The following NEURL4 variants were observed in gnomAD, a reference collection of about 807,000 sequenced individuals.
NEURL4 encodes neuralized E3 ubiquitin protein ligase 4, also known as neuralized-like protein 4.
Under a neutral mutation model 148.0 loss-of-function variants are expected in NEURL4, and 45 were observed. The ratio of observed to expected loss-of-function variants is 0.30; its 90% CI spans 0.24 to 0.39. The LOEUF (loss-of-function observed/expected upper bound fraction) is 0.39. NEURL4 is among the 10% of genes least tolerant of loss of function. The pLI is 1.00. For synonymous variants in NEURL4, 854 were observed against 869.0 expected, an observed-to-expected ratio of 0.98 and a Z score of 0.30; for missense variants, 1,776 against 2,144.0, an observed-to-expected ratio of 0.83 and a Z score of 3.39.
intron 21 of NEURL4, among the ~76,000 whole-genome samples, chr17:7,319,685 A>C (rs2073002316): frequency 6.9e-6 from 1 of 145,680 alleles, no homozygotes; most frequent in Admixed American, 7.0e-5. Context: ...GGGCGACAAG[A>C]GCTAAACTCC....
chr17:7,329,326 G>T lies in NEURL4; in HGVS notation c.-14C>A. 1.5e-6 allele frequency: 2 copies of T among 1,329,352 alleles called. No individual in the cohort carries two copies. The highest frequency in any genetic ancestry group is 3.4e-5 in the South Asian group (2 of 58,922). 82.3% of individuals were successfully genotyped at this position (1,329,352 alleles called of 1,614,324 possible). A position where few individuals can be genotyped will look rare whatever the true frequency, so the allele number is the denominator to read the frequency against. On this transcript the variant is annotated 5_prime_UTR_variant, in exon 1 of 29. Coordinates refer to ENST00000399464, the MANE Select transcript of NEURL4 (RefSeq NM_032442.3). ...CCCTGCCGCCATCTCCGCTGACACC[G>T]GGGCAGCGCGACAGCCGCGCTTGGC... is the stretch of plus-strand genomic sequence containing the variant.
intron 14 of NEURL4, 67 bp from the exon 15 acceptor site, chr17:7,323,190 C>A (rs1314494276): frequency 1.3e-6 from 2 of 1,524,192 alleles, no homozygotes; most frequent in Non-Finnish European, 1.8e-6. Flanking sequence ...CCTGCCCACT[C>A]CCTGTCTGTC....
rs2073100385 is a variant in NEURL4 at position 7,326,087 on chromosome 17, G to A, written c.1293+168C>T. Among the ~76,000 whole-genome samples, 1 of 152,214 alleles carries A rather than the reference G, an allele frequency of 6.6e-6. No homozygotes were observed. The highest frequency in any genetic ancestry group is 2.4e-5 in the African/African-American group (1 of 41,454). Reference sequence around the variant, plus strand: ...ATTCAACCATCTGACTCCAAAATCTGAGTGCTGAACTCTTGGGCAACTCAG... The same window carrying A: ...ATTCAACCATCTGACTCCAAAATCTAAGTGCTGAACTCTTGGGCAACTCAG... On this transcript the variant is annotated intron_variant, in intron 6 of 28. Transcript: ENST00000399464. The surrounding 1 kb of genome is among the most constrained non-coding windows in gnomAD (Gnocchi z 6.0).
chr17:7,319,260 CT>C (rs1241934957), intron 21 of NEURL4, 52 bp from the exon 22 acceptor site: 8 of 1,514,046 alleles, frequency 5.3e-6, no homozygotes, highest in Non-Finnish European at 6.3e-6. Context: ...AAGAACCAGG[CT>C]CCGCACCCCA....
chr17:7,325,771 C>G (rs2073096743), intron 6 of NEURL4, 58 bp from the exon 7 acceptor site: 1 of 1,371,708 alleles, frequency 7.3e-7, no homozygotes, highest in African/African-American at 1.4e-5. Flanking sequence ...GCACCCCACT[C>G]CACACAGGAA....
Position 7,322,013 on chromosome 17 carries a change from G to A in NEURL4, c.2726-3C>T. The stretch of plus-strand genomic sequence containing the variant: ...GAATCGGTGAGCCACGCCAGCCACT[G>A]TGAAGAGATGGCACCAGTAGAAGGG... On this transcript the variant is annotated splice_region_variant and splice_polypyrimidine_tract_variant and intron_variant, in intron 16 of 28. Transcript: ENST00000399464. The surrounding 1 kb of genome is among the most constrained non-coding windows in gnomAD (Gnocchi z 5.5). 6.2e-7 allele frequency: 1 copy of A among 1,602,326 alleles called. No homozygotes were observed. The highest frequency in any genetic ancestry group is 8.5e-7 in the Non-Finnish European group (1 of 1,175,158).
Position 7,317,906 on chromosome 17 carries a change from G to A in NEURL4, c.4087C>T (p.Arg1363Ter). Residue 1363 changes from arginine to a stop codon, truncating the protein, a stop_gained, in exon 26 of 29, where the codon CGA (arginine) becomes TGA (stop). Coordinates refer to ENST00000399464, the MANE Select transcript of NEURL4 (RefSeq NM_032442.3). LOFTEE classifies it high-confidence loss of function. Reference protein sequence around the residue: ...PEDYFMPPPKRSLCYCESCRK... With the variant: ...PEDYFMPPPK ...CAAGACTCACAGTAGCACAGGCTTC[G>A]CTTTGGCGGAGGCATGAAATAATCT... The A allele has an allele frequency of 6.2e-7, 1 of 1,614,204 alleles. No individual in the cohort carries two copies. The highest frequency in any genetic ancestry group is 8.5e-7 in the Non-Finnish European group (1 of 1,180,052).
At chr17:7,323,614 C>T (rs374837629) in intron 13 of NEURL4, 33 bp downstream of exon 13, 3 of 1,613,658 alleles carry the variant, frequency 1.9e-6, no homozygotes, top group Non-Finnish European at 2.5e-6. Context: ...CACAGACATC[C>T]AACAGCCCCC....
chr17:7,323,336 G>A lies in NEURL4; in HGVS notation c.2417+149C>T. On this transcript the variant is annotated intron_variant, in intron 14 of 28. Transcript: ENST00000399464. ...GGAGGACTGAGCCCCTGTGGGCCTG[G>A]GCAGGACTTCCCAGAATTCAAGGGG... 6 of 971,172 alleles carry A rather than the reference G, an allele frequency of 6.2e-6. No individual in the cohort carries two copies. In the South Asian group the frequency reaches 7.7e-5, roughly 12 times the overall value. 60.2% of individuals were successfully genotyped at this position (971,172 alleles called of 1,614,324 possible). A position where few individuals can be genotyped will look rare whatever the true frequency, so the allele number is the denominator to read the frequency against.
Position 7,319,038 on chromosome 17 carries a change from G to C in NEURL4, c.3684+12C>G. ...GGCCTGGTCCTGTTCCTTCTCTCTG[G>C]CTCCTACTCACCTTGAGACCGTTGT... On this transcript the variant is annotated intron_variant, in intron 22 of 28. Transcript: ENST00000399464. The C allele has an allele frequency of 6.2e-7, 1 of 1,601,132 alleles. No individual in the cohort carries two copies. Among genetic ancestry groups the C allele is most frequent in the South Asian group, 1.1e-5 (1 of 89,962 alleles).
At position 7,321,173 on chromosome 17, in the gene NEURL4, G is replaced by A; in HGVS notation, c.3299C>T (p.Pro1100Leu). ...EESEGTQPPS[P>L]SSDTGSEGEE... ...GCCCTCACTGCCGGTGTCTGAACTG[G>A]GGGAAGGAGGCTGGGTGCCTTCTGA... The change falls in exon 20 of 29, where the codon CCC becomes CTC. Residue 1100 changes from proline to leucine, a missense_variant. Coordinates refer to ENST00000399464, the MANE Select transcript of NEURL4 (RefSeq NM_032442.3). The surrounding 1 kb of genome is among the most constrained non-coding windows in gnomAD (Gnocchi z 6.3). The A allele has an allele frequency of 1.2e-6, 2 of 1,614,008 alleles. No homozygotes were observed. The highest frequency in any genetic ancestry group is 1.7e-6 in the Non-Finnish European group (2 of 1,180,030).
rs1360973950 is a variant in NEURL4 at position 7,326,922 on chromosome 17, G to A, written c.881C>T (p.Ser294Phe). The A allele has an allele frequency of 4.3e-6, 7 of 1,613,958 alleles. No homozygotes were observed. The highest frequency in any genetic ancestry group is 1.1e-5 in the South Asian group (1 of 91,072). Residue 294 changes from serine to phenylalanine, a missense_variant, in exon 4 of 29, where the codon TCC (serine) becomes TTC (phenylalanine). Physicochemically the swap from Ser to Phe is radical, Grantham distance 155 (BLOSUM62 -2). Coordinates refer to ENST00000399464, the MANE Select transcript of NEURL4 (RefSeq NM_032442.3). This position sits in a 1 kb window ranked among gnomAD's most constrained non-coding sequence, Gnocchi z 6.0. ...NGGLLNVNLSSPPAGEGLGSS... is the reference protein window; with the variant it reads ...NGGLLNVNLSFPPAGEGLGSS... ...TCCCAGGCCTTCCCCTGCCGGTGGG[G>A]AGCTCAGGTTCACATTCAGGAGCCC...
In NEURL4 at chr17:7,322,942, A is replaced by G; in HGVS notation, c.2593+6T>C. On this transcript the variant is annotated splice_donor_region_variant and intron_variant, in intron 15 of 28. Transcript: ENST00000399464. The surrounding 1 kb of genome is among the most constrained non-coding windows in gnomAD (Gnocchi z 5.5). ...GAGGGTGGCAGGCTGAAAGCCACAT[A>G]GTCACCTTTACCCGGAGGCAGGCCC... 1.2e-6 allele frequency: 2 copies of G among 1,612,464 alleles called. No homozygotes were observed. The highest frequency in any genetic ancestry group is 1.7e-6 in the Non-Finnish European group (2 of 1,179,012).
In NEURL4 at chr17:7,316,300, C is replaced by T. The variant is rs767691634; in HGVS notation, c.4512G>A (p.Thr1504=). 3.7e-6 allele frequency: 6 copies of T among 1,612,794 alleles called. No individual in the cohort carries two copies. Among genetic ancestry groups the T allele is most frequent in the South Asian group, 3.3e-5 (3 of 91,012 alleles). Reference sequence around the variant, plus strand: ...CCTGGAACGCCACCTGAGCCTGGTGCGTCCGCTGGGATTTGGGGTCCCGGA... The same window carrying T: ...CCTGGAACGCCACCTGAGCCTGGTGTGTCCGCTGGGATTTGGGGTCCCGGA... ...VQFRDPKSQR[T]HQAQVAFQVC... The change falls in exon 29 of 29, where the codon ACG becomes ACA. Residue 1504 remains threonine, a synonymous_variant. Coordinates refer to ENST00000399464, the MANE Select transcript of NEURL4 (RefSeq NM_032442.3).
At chr17:7,328,896 C>G (rs376824802) in intron 1 of NEURL4, 135 bp downstream of exon 1, 1 of 771,966 alleles carries the variant, frequency 1.3e-6, no homozygotes. Context: ...TCCTGACCGC[C>G]CCCTGGTGCT....
Position 7,318,111 on chromosome 17 carries a change from C to G in NEURL4, c.4014G>C (p.Glu1338Asp). The G allele has an allele frequency of 6.2e-7, 1 of 1,614,186 alleles. No individual in the cohort carries two copies. The highest frequency in any genetic ancestry group is 8.5e-7 in the Non-Finnish European group (1 of 1,180,028). ...GGAAGCGAGAGCAAAGGGCATGGTA[C>G]TCGCAGCTCTTTAGAGGACTAGCGG... Reference protein sequence around the residue: ...PPAASPLKSCEYHALCSRFQE... With the variant: ...PPAASPLKSCDYHALCSRFQE... Residue 1338 changes from glutamate to aspartate, a missense_variant, in exon 25 of 29, where the codon GAG becomes GAC. Glu to Asp is a conservative substitution (Grantham distance 45, BLOSUM62 2). Coordinates refer to ENST00000399464, the MANE Select transcript of NEURL4 (RefSeq NM_032442.3). This position sits in a 1 kb window ranked among gnomAD's most constrained non-coding sequence, Gnocchi z 4.3.
Position 7,318,563 on chromosome 17 carries a change from C to G in NEURL4, c.3796G>C (p.Gly1266Arg). ...LHLHVNGVDQ[G>R]VAVPDVPQPC... ...TGGGGCACATCTGGCACAGCTACCC[C>G]CTGGTCCACCCCATTAACATGAAGA... The change falls in exon 23 of 29, where the codon GGG becomes CGG. Residue 1266 changes from glycine to arginine, a missense_variant. Gly to Arg is a moderately radical substitution (Grantham distance 125). Transcript: ENST00000399464. The surrounding 1 kb of genome is among the most constrained non-coding windows in gnomAD (Gnocchi z 4.3). 6.2e-7 allele frequency: 1 copy of G among 1,613,770 alleles called. No individual in the cohort carries two copies. The highest frequency in any genetic ancestry group is 8.5e-7 in the Non-Finnish European group (1 of 1,179,894).
At position 7,316,317 on chromosome 17, in the gene NEURL4, G is replaced by T. The variant is rs1597628216; in HGVS notation, c.4495C>A (p.Pro1499Thr). The change falls in exon 29 of 29, where the codon CCC (proline) becomes ACC (threonine). Residue 1499 changes from proline to threonine, a missense_variant. Coordinates refer to ENST00000399464, the MANE Select transcript of NEURL4 (RefSeq NM_032442.3). ...GCCTGGTGCGTCCGCTGGGATTTGG[G>T]GTCCCGGAATCTGTCAGACAAGAAA... ...TLASKVQFRDPKSQRTHQAQV... is the reference protein window; with the variant it reads ...TLASKVQFRDTKSQRTHQAQV... 1 of 1,612,094 alleles carries T rather than the reference G, an allele frequency of 6.2e-7. No individual in the cohort carries two copies. Among genetic ancestry groups the T allele is most frequent in the East Asian group, 2.2e-5 (1 of 44,880 alleles).
Position 7,317,592 on chromosome 17 carries a change from G to A in NEURL4, c.4206-19C>T, listed in dbSNP as rs745747408. The A allele has an allele frequency of 2.3e-5, 37 of 1,611,214 alleles. No individual in the cohort carries two copies. The highest frequency in any genetic ancestry group is 3.3e-4 in the Middle Eastern group (2 of 6,076). On this transcript the variant is annotated intron_variant, in intron 26 of 28. Transcript: ENST00000399464. Reference sequence around the variant, plus strand: ...ATTCACTCTAGGAGGTGGACAAGCGGGGCAGATACAACGAAGGCCACTGAC... The same window carrying A: ...ATTCACTCTAGGAGGTGGACAAGCGAGGCAGATACAACGAAGGCCACTGAC...
Sources: gnomAD v4.1 joint callset for allele counts (sites outside exome capture counted in the v4.1 genomes callset) on GRCh38, gnomAD v4.1.1 for gene constraint, Gnocchi (gnomAD v3.1) non-coding constraint, MANE v1.5 for transcripts, NCBI Gene and HGNC (gene_info 2026-07-23, HGNC 2026-07-21) for gene names.